The following MACROD2 variants were observed in gnomAD, a reference collection of about 807,000 sequenced individuals.
The protein encoded by MACROD2 is ADP-ribose glycohydrolase MACROD2.
In MACROD2, 36 loss-of-function variants were observed where a neutral mutation model predicts 70.4. That is an observed-to-expected ratio of 0.51 (90% confidence interval 0.39 to 0.68). The LOEUF (loss-of-function observed/expected upper bound fraction) is 0.68. Among genes scored for constraint, MACROD2 ranks in the 30% least tolerant of loss-of-function variants. The probability of loss-of-function intolerance (pLI) is 0.00; values close to 1 mark genes in which losing one functional copy is unlikely to be tolerated. For missense variants in MACROD2, 496 were observed against 538.4 expected, an observed-to-expected ratio of 0.92 and a Z score of 0.78; for synonymous variants, 172 against 178.8, an observed-to-expected ratio of 0.96 and a Z score of 0.30.
rs2054346142 is a variant in MACROD2, at chr20:14,104,727, A to C, written c.271+18999A>C. 3.9e-5 allele frequency among the ~76,000 whole-genome samples: 6 copies of C among 152,346 alleles called. No homozygotes were observed. The South Asian group carries it at 1.2e-3, about 32-fold the overall frequency. On this transcript the variant is annotated intron_variant, in intron 3 of 17. Coordinates refer to ENST00000684519, the MANE Select transcript of MACROD2 (RefSeq NM_001351661.2). ...CTCCCTTTGCATCCCCAGCTTCAGA[A>C]GATGGACTAAGCCCTCACATGCTGC... is the stretch of plus-strand genomic sequence containing the variant.
At chr20:14,005,894 C>G (rs1236944540) in intron 2 of MACROD2, among the ~76,000 whole-genome samples, 1 of 152,098 alleles carries the variant, frequency 6.6e-6, no homozygotes, top group Non-Finnish European at 1.5e-5. Context: ...AGCCACTGCA[C>G]CTGCCTCTTT....
chr20:15,318,547 T>A (rs1290075422), intron 6 of MACROD2, among the ~76,000 whole-genome samples: 1 of 152,118 alleles, frequency 6.6e-6, no homozygotes, highest in African/African-American at 2.4e-5. Flanking sequence ...CAAAATCCCT[T>A]ATGATTATAG....
intron 4 of MACROD2, among the ~76,000 whole-genome samples, chr20:14,605,906 G>A (rs1043293467): frequency 6.6e-6 from 1 of 152,070 alleles, no homozygotes; most frequent in South Asian, 2.1e-4. Flanking sequence ...GATTATAATT[G>A]TAATGTAAAT....
chr20:15,234,009 A>ATTTTTTTTTTT (rs1342277075), intron 6 of MACROD2, among the ~76,000 whole-genome samples: 4 of 39,998 alleles, frequency 1.0e-4, no homozygotes, highest in Non-Finnish European at 1.4e-4. Flanking sequence ...ATATATATAT[A>ATTTTTTTTTTT]TTCTTTTTTT....
chr20:14,867,516 A>G (rs2073441004), intron 5 of MACROD2, among the ~76,000 whole-genome samples: 1 of 152,148 alleles, frequency 6.6e-6, no homozygotes, highest in Admixed American at 6.6e-5. Flanking sequence ...AAGTTGCTAT[A>G]AGCGATGGGA....
intron 8 of MACROD2, among the ~76,000 whole-genome samples, chr20:15,811,380 A>G (rs1334765549): frequency 6.6e-6 from 1 of 152,110 alleles, no homozygotes; most frequent in African/African-American, 2.4e-5. Context: ...AATCAAAACC[A>G]CAATGAGATA....
chr20:15,417,225 A>G (rs2046164837), intron 6 of MACROD2, among the ~76,000 whole-genome samples: 1 of 152,120 alleles, frequency 6.6e-6, no homozygotes, highest in Non-Finnish European at 1.5e-5. Context: ...CTGGGCTACA[A>G]TTATCTGGTG....
chr20:14,131,289 A>G (rs1019525185), intron 3 of MACROD2, among the ~76,000 whole-genome samples: 2 of 152,156 alleles, frequency 1.3e-5, no homozygotes, highest in African/African-American at 4.8e-5. Flanking sequence ...CCAAGTGGAA[A>G]CATGTTACAA....
chr20:14,862,743 C>A, intron 5 of MACROD2, among the ~76,000 whole-genome samples: 2 of 118,418 alleles, frequency 1.7e-5, no homozygotes, highest in South Asian at 2.5e-4. Flanking sequence ...GGATGAAGAC[C>A]AAAGCAGTGA....
At chr20:15,806,798 C>A (rs2063773253) in intron 8 of MACROD2, among the ~76,000 whole-genome samples, 1 of 151,994 alleles carries the variant, frequency 6.6e-6, no homozygotes, top group Non-Finnish European at 1.5e-5. Context: ...TTTGAATGAG[C>A]CAGGTGAAAA....
At chr20:15,202,891 A>G (rs982602248) in intron 5 of MACROD2, among the ~76,000 whole-genome samples, 1 of 152,164 alleles carries the variant, frequency 6.6e-6, no homozygotes, top group East Asian at 1.9e-4. Context: ...CAGAAGCTCT[A>G]TGAGACACTT....
chr20:14,094,954 C>T (rs1046127909), intron 3 of MACROD2, among the ~76,000 whole-genome samples: 1 of 152,088 alleles, frequency 6.6e-6, no homozygotes, highest in Non-Finnish European at 1.5e-5. Flanking sequence ...CCTTTTCCTC[C>T]TGGGCTTTGC....
chr20:14,075,110 T>C (rs2053900285), intron 2 of MACROD2, among the ~76,000 whole-genome samples: 1 of 152,102 alleles, frequency 6.6e-6, no homozygotes, highest in African/African-American at 2.4e-5. Flanking sequence ...AATTTAGATA[T>C]GCCAAAGAGA....
At chr20:14,708,158 G>GTTAACA (rs2071292164) in intron 5 of MACROD2, among the ~76,000 whole-genome samples, 1 of 152,206 alleles carries the variant, frequency 6.6e-6, no homozygotes, top group Admixed American at 6.5e-5. Flanking sequence ...GGTAAGCACT[G>GTTAACA]TTAACATTAA....
At chr20:14,622,200 G>A (rs953382248) in intron 4 of MACROD2, among the ~76,000 whole-genome samples, 1 of 151,922 alleles carries the variant, frequency 6.6e-6, no homozygotes, top group East Asian at 1.9e-4. Context: ...TAATTTTCTT[G>A]CAATGATCTA....
At chr20:14,398,438 T>C (rs1272217712) in intron 3 of MACROD2, among the ~76,000 whole-genome samples, 1 of 151,152 alleles carries the variant, frequency 6.6e-6, no homozygotes, top group African/African-American at 2.4e-5. Context: ...TTTGATAATA[T>C]CCATTCTAAC....
chr20:14,098,547 A>T (rs1416582837), intron 3 of MACROD2, among the ~76,000 whole-genome samples: 1 of 152,200 alleles, frequency 6.6e-6, no homozygotes, highest in African/African-American at 2.4e-5. Context: ...GAATATATGA[A>T]TTTTTATATA....
At chr20:15,405,965 G>A (rs989175493) in intron 6 of MACROD2, among the ~76,000 whole-genome samples, 1 of 152,140 alleles carries the variant, frequency 6.6e-6, no homozygotes, top group African/African-American at 2.4e-5. Context: ...TGTCTGACAC[G>A]CAGTAAGGAC....
chr20:15,808,227 G>A (rs746377136), intron 8 of MACROD2, among the ~76,000 whole-genome samples: 1 of 152,088 alleles, frequency 6.6e-6, no homozygotes, highest in East Asian at 1.9e-4. Flanking sequence ...GGTGTCTGAG[G>A]GGTTTTGGCT....
Sources: gnomAD v4.1 joint callset for allele counts (sites outside exome capture counted in the v4.1 genomes callset) on GRCh38, gnomAD v4.1.1 for gene constraint, MANE v1.5 for transcripts, NCBI Gene and HGNC (gene_info 2026-07-23, HGNC 2026-07-21) for gene names.